The following ACSM5 variants were observed in gnomAD, a reference collection of about 807,000 sequenced individuals.
The protein encoded by ACSM5 is acyl-CoA synthetase medium chain family member 5.
A neutral mutation model predicts 71.6 loss-of-function variants in ACSM5; 56 were observed. That is an observed-to-expected ratio of 0.78 (90% confidence interval 0.63 to 0.98). The LOEUF is 0.98. Among genes scored for constraint, ACSM5 ranks in the 50% least tolerant of loss-of-function variants. The pLI is 0.00. For missense variants in ACSM5, 723 were observed against 726.0 expected (o/e 1.00, Z 0.05); for synonymous variants, 285 against 281.5 (o/e 1.01, Z -0.12).
At chr16:20,419,046 T>A (rs150535917) in intron 3 of ACSM5, among the ~76,000 whole-genome samples, 182 bp from the exon 4 acceptor site, 97 of 152,264 alleles carry the variant, frequency 6.4e-4, no homozygotes, top group African/African-American at 2.3e-3. Flanking sequence ...TGATGCTGAG[T>A]GAATAAGTGA....
At chr16:20,438,037 G>T (rs1967237875) in intron 12 of ACSM5, among the ~76,000 whole-genome samples, 1 of 151,932 alleles carries the variant, frequency 6.6e-6, no homozygotes, top group Admixed American at 6.6e-5. Context: ...TGTTGGCCAG[G>T]CTGGAGGTCT....
intron 2 of ACSM5, among the ~76,000 whole-genome samples, chr16:20,412,631 GA>G (rs1441754420): frequency 6.6e-6 from 1 of 152,144 alleles, no homozygotes; most frequent in Non-Finnish European, 1.5e-5. Context: ...CAACCAATGT[GA>G]AGCTTAACCA....
intron 7 of ACSM5, 94 bp downstream of exon 7, chr16:20,427,961 C>T (rs1028510529): frequency 2.2e-6 from 2 of 918,468 alleles, no homozygotes; most frequent in Non-Finnish European, 3.5e-6. Context: ...TTCCAACTCT[C>T]TTTCTTTCTC....
At chr16:20,427,611 AAAGGTGC>A (rs1444461353) in intron 6 of ACSM5, among the ~76,000 whole-genome samples, 170 bp from the exon 7 acceptor site, 1 of 152,234 alleles carries the variant, frequency 6.6e-6, no homozygotes, top group African/African-American at 2.4e-5. Context: ...GGGATCCTCC[AAAGGTGC>A]ACATGCCAGG....
chr16:20,418,580 AGT>A (rs1168780163), intron 3 of ACSM5, among the ~76,000 whole-genome samples: 2 of 152,172 alleles, frequency 1.3e-5, no homozygotes, highest in Non-Finnish European at 2.9e-5. Context: ...AATGAATACC[AGT>A]GTTATCAGAA....
rs145738832 is a variant in ACSM5 at position 20,411,608 on chromosome 16, A to G, written c.124A>G (p.Ile42Val). 2 of 1,614,182 alleles carry G rather than the reference A, an allele frequency of 1.2e-6. No individual in the cohort carries two copies. The highest frequency in any genetic ancestry group is 1.7e-6 in the Non-Finnish European group (2 of 1,180,030). ...PQKIVATWEAISLGRQLVPEY... is the reference protein window; with the variant it reads ...PQKIVATWEAVSLGRQLVPEY... ...GAAGATCGTGGCCACCTGGGAAGCCATCAGCCTGGGAAGGCAGCTGGTGCC... is the reference window on the plus strand; with the variant it reads ...GAAGATCGTGGCCACCTGGGAAGCCGTCAGCCTGGGAAGGCAGCTGGTGCC... The change falls in exon 2 of 14, where the codon ATC (isoleucine) becomes GTC (valine). Residue 42 changes from isoleucine to valine, a missense_variant. Ile to Val is a conservative substitution (Grantham distance 29). Transcript: ENST00000331849.
At chr16:20,421,456 G>A in intron 5 of ACSM5, 55 bp downstream of exon 5, 4 of 1,453,798 alleles carry the variant, frequency 2.8e-6, no homozygotes, top group Non-Finnish European at 3.7e-6. Context: ...GAGTGGTCTG[G>A]AGGGGGTGGT....
chr16:20,440,161 A>C (rs964335747), intron 13 of ACSM5, 183 bp from the exon 14 acceptor site: 14 of 661,294 alleles, frequency 2.1e-5, no homozygotes, highest in Non-Finnish European at 3.4e-5. Context: ...GGTAGTGCTC[A>C]AATGCTGTCA....
chr16:20,419,794 G>T (rs1966870329), intron 4 of ACSM5: 2 of 341,512 alleles, frequency 5.9e-6, no homozygotes, highest in African/African-American at 4.3e-5. Flanking sequence ...TTAGTGTATC[G>T]CTAGATACTG....
chr16:20,419,403 G>C lies in ACSM5; in HGVS notation c.591G>C (p.Arg197=). ...AGCTGCTGGTGTCAGACAGCAGTCG[G>C]CCAGGCTGGTTGAACTTCAGGGAAC... ...QTKLLVSDSS[R]PGWLNFRELL... is the part of the protein sequence containing the mutation. Residue 197 remains arginine (R), a synonymous_variant, in exon 4 of 14, where the codon CGG becomes CGC. Coordinates refer to ENST00000331849, the MANE Select transcript of ACSM5 (RefSeq NM_017888.3). 1 of 1,614,202 alleles carries C rather than the reference G, an allele frequency of 6.2e-7. No homozygotes were observed. The highest frequency in any genetic ancestry group is 8.5e-7 in the Non-Finnish European group (1 of 1,180,026).
intron 1 of ACSM5, among the ~76,000 whole-genome samples, chr16:20,410,183 T>C (rs1490852234): frequency 6.6e-6 from 1 of 152,224 alleles, no homozygotes; most frequent in African/African-American, 2.4e-5. Flanking sequence ...AGACTGAAGC[T>C]GTTATGGTTT....
intron 10 of ACSM5, among the ~76,000 whole-genome samples, chr16:20,434,693 CAAAT>C (rs1967160889): frequency 6.6e-6 from 1 of 152,122 alleles, no homozygotes; most frequent in African/African-American, 2.4e-5. Flanking sequence ...GACTCCATCT[CAAAT>C]AAATAAATCA....
chr16:20,434,829 C>G (rs925449736), intron 10 of ACSM5, among the ~76,000 whole-genome samples: 1 of 152,244 alleles, frequency 6.6e-6, no homozygotes, highest in African/African-American at 2.4e-5. Context: ...TACCATAAGT[C>G]TTCACATGTG....
rs1966879660 is a variant in ACSM5 at position 20,421,406 on chromosome 16, C to T, written c.767+5C>T. The T allele has an allele frequency of 6.3e-7, 1 of 1,586,442 alleles. No individual in the cohort carries two copies. The highest frequency in any genetic ancestry group is 1.7e-5 in the Admixed American group (1 of 58,026). On this transcript the variant is annotated splice_donor_5th_base_variant and intron_variant, in intron 5 of 13. Transcript: ENST00000331849. ...GGGTTTTGTGGCCAGCGGAAGGTAC[C>T]AGAGCAGCTTGTCTAGAGGATCCAA...
Position 20,437,315 on chromosome 16 carries a change from C to G in ACSM5, c.1484C>G (p.Pro495Arg), listed in dbSNP as rs1233858373. 1 of 1,614,102 alleles carries G rather than the reference C, an allele frequency of 6.2e-7. No homozygotes were observed. The highest frequency in any genetic ancestry group is 8.5e-7 in the Non-Finnish European group (1 of 1,180,018). ...VEVESALAEHPAVLESAVVSS... is the reference protein window; with the variant it reads ...VEVESALAEHRAVLESAVVSS... ...GTGGAAAGTGCCCTGGCAGAGCATC[C>G]TGCTGTCCTGGAGTCGGCTGTGGTC... The change falls in exon 12 of 14, where the codon CCT (proline) becomes CGT (arginine). Residue 495 changes from proline to arginine, a missense_variant. Physicochemically the swap from Pro to Arg is moderately radical, Grantham distance 103. Transcript: ENST00000331849.
intron 10 of ACSM5, 105 bp downstream of exon 10, chr16:20,431,426 G>A (rs1967099061): frequency 1.1e-6 from 1 of 876,804 alleles, no homozygotes; most frequent in African/African-American, 1.7e-5. Flanking sequence ...ATGACTGCAT[G>A]AGGTAGGTTG....
intron 5 of ACSM5, among the ~76,000 whole-genome samples, chr16:20,422,540 CT>C (rs1228991158): frequency 3.7e-4 from 57 of 152,298 alleles, no homozygotes; most frequent in Non-Finnish European, 6.0e-4. Context: ...GCTTTTACTT[CT>C]TTTGGATATA....
intron 7 of ACSM5, among the ~76,000 whole-genome samples, chr16:20,428,242 A>G (rs1967027664): frequency 6.6e-6 from 1 of 152,214 alleles, no homozygotes; most frequent in African/African-American, 2.4e-5. Context: ...GTGAGGCGAG[A>G]GAAATGATTG....
chr16:20,438,055 C>T (rs1967238207), intron 12 of ACSM5, among the ~76,000 whole-genome samples: 1 of 151,850 alleles, frequency 6.6e-6, no homozygotes, highest in African/African-American at 2.4e-5. Context: ...TCTTAAACTC[C>T]TGACCTTAGG....
Sources: allele counts gnomAD v4.1 joint callset (sites outside exome capture counted in the v4.1 genomes callset), GRCh38; gene constraint gnomAD v4.1.1; transcripts MANE v1.5; gene names NCBI Gene and HGNC (gene_info 2026-07-23, HGNC 2026-07-21).